The following GALNTL6 variants were observed in gnomAD, a reference collection of about 807,000 sequenced individuals.
GALNTL6 encodes the protein polypeptide N-acetylgalactosaminyltransferase-like 6.
Under a neutral mutation model 73.7 loss-of-function variants are expected in GALNTL6, and 46 were observed. The observed-to-expected ratio is 0.62, with a 90% confidence interval of 0.49 to 0.80. The LOEUF is 0.80. Among genes scored for constraint, GALNTL6 ranks in the 30% least tolerant of loss-of-function variants. The pLI is 0.00. For synonymous variants in GALNTL6, 259 were observed against 263.7 expected, an observed-to-expected ratio of 0.98 and a Z score of 0.17; for missense variants, 604 against 755.0, an observed-to-expected ratio of 0.80 and a Z score of 2.34.
At chr4:173,021,685 A>C (rs575968456) in intron 12 of GALNTL6, 60 bp downstream of exon 12, 2 of 1,572,958 alleles carry the variant, frequency 1.3e-6, no homozygotes, top group East Asian at 2.3e-5. Context: ...ATTCTTACTC[A>C]GTTTTCTTTG....
rs189139180 is a variant in GALNTL6 at position 172,683,858 on chromosome 4, C to G, written c.554-125503C>G. Among the ~76,000 whole-genome samples the G allele has an allele frequency of 4.1e-4, 62 of 152,258 alleles. 1 individual carries two copies. Among genetic ancestry groups the G allele is most frequent in the Admixed American group, 3.0e-3 (46 of 15,284 alleles). ...TATTTTAAAAACAAATAGGTGGAAG[C>G]TGGAAGCAGGGATTAGCTTTTTCGT... On this transcript the variant is annotated intron_variant, in intron 5 of 12. Coordinates refer to ENST00000506823, the MANE Select transcript of GALNTL6 (RefSeq NM_001034845.3).
intron 2 of GALNTL6, among the ~76,000 whole-genome samples, chr4:172,138,949 C>G (rs1733728321): frequency 6.6e-6 from 1 of 151,958 alleles, no homozygotes; most frequent in African/African-American, 2.4e-5. Context: ...ATTCTCAGAA[C>G]CAATATTTCC....
At chr4:173,027,925 T>C (rs1753299305) in intron 12 of GALNTL6, among the ~76,000 whole-genome samples, 1 of 152,210 alleles carries the variant, frequency 6.6e-6, no homozygotes, top group South Asian at 2.1e-4. Flanking sequence ...AGTGATTCCA[T>C]TTGGTCACTG....
In GALNTL6 at chr4:172,445,893, A is replaced by G. The variant is rs796294585; in HGVS notation, c.553+97204A>G. On this transcript the variant is annotated intron_variant, in intron 5 of 12. Transcript: ENST00000506823. The stretch of plus-strand genomic sequence containing the variant: ...GAAGATGGCTAAATGCATGCTTAGT[A>G]CTATTATTCTAATGCCTTCATTAAA... Among the ~76,000 whole-genome samples, 8 of 152,288 alleles carry G rather than the reference A, an allele frequency of 5.3e-5. No homozygotes were observed. In the South Asian group the frequency reaches 1.2e-3, roughly 24 times the overall value.
chr4:172,515,068 C>T (rs1734556087), intron 5 of GALNTL6, among the ~76,000 whole-genome samples: 1 of 152,180 alleles, frequency 6.6e-6, no homozygotes, highest in African/African-American at 2.4e-5. Context: ...TGTAAGTCTC[C>T]ATACACTGTT....
chr4:172,403,752 G>T (rs1744121404), intron 5 of GALNTL6, among the ~76,000 whole-genome samples: 1 of 151,904 alleles, frequency 6.6e-6, no homozygotes, highest in Non-Finnish European at 1.5e-5. Context: ...CAAAGCAATG[G>T]ATCTTTGACT....
intron 8 of GALNTL6, among the ~76,000 whole-genome samples, chr4:172,904,391 G>A (rs1002540533): frequency 2.6e-5 from 4 of 152,340 alleles, no homozygotes; most frequent in East Asian, 1.9e-4. Flanking sequence ...CAGGAAAAGC[G>A]TCTGTAGCAG....
chr4:172,672,396 C>T (rs1316639175), intron 5 of GALNTL6, among the ~76,000 whole-genome samples: 1 of 152,154 alleles, frequency 6.6e-6, no homozygotes, highest in Non-Finnish European at 1.5e-5. Context: ...GATAGATAAC[C>T]TGCTGGATTC....
intron 8 of GALNTL6, among the ~76,000 whole-genome samples, chr4:172,913,053 C>T (rs1241021807): frequency 1.3e-5 from 2 of 152,196 alleles, no homozygotes; most frequent in Non-Finnish European, 2.9e-5. Flanking sequence ...ATTTGCCGTT[C>T]TGCAATATTT....
chr4:172,932,919 A>C (rs556855169), intron 9 of GALNTL6, among the ~76,000 whole-genome samples: 77 of 152,272 alleles, frequency 5.1e-4, no homozygotes, highest in African/African-American at 1.7e-3. Context: ...CTGCTTTCCT[A>C]ACTAAATTAA....
At chr4:172,819,092 G>T (rs1021243043) in intron 7 of GALNTL6, among the ~76,000 whole-genome samples, 1 of 152,212 alleles carries the variant, frequency 6.6e-6, no homozygotes, top group African/African-American at 2.4e-5. Context: ...TGGGCCAAAG[G>T]TGAGATCCTT....
At chr4:172,370,443 G>A (rs1430548107) in intron 5 of GALNTL6, among the ~76,000 whole-genome samples, 1 of 151,756 alleles carries the variant, frequency 6.6e-6, no homozygotes, top group Non-Finnish European at 1.5e-5. Flanking sequence ...GGCTAACGTG[G>A]TGAAACCCCA....
chr4:171,954,095 A>G (rs1415710981), intron 2 of GALNTL6, among the ~76,000 whole-genome samples: 1 of 152,204 alleles, frequency 6.6e-6, no homozygotes, highest in Non-Finnish European at 1.5e-5. Context: ...TGATTGAAGC[A>G]CATACGCTAA....
intron 10 of GALNTL6, among the ~76,000 whole-genome samples, chr4:172,998,610 CTGTCCTT>C (rs1420857895): frequency 1.3e-5 from 2 of 152,082 alleles, no homozygotes; most frequent in East Asian, 3.9e-4. Flanking sequence ...ACCACAGAAA[CTGTCCTT>C]TGAAAGGTCT....
At chr4:171,959,757 G>A (rs1405093529) in intron 2 of GALNTL6, among the ~76,000 whole-genome samples, 5 of 152,154 alleles carry the variant, frequency 3.3e-5, no homozygotes, top group Admixed American at 1.3e-4. Context: ...CAAAATATCT[G>A]CCTGACAAAA....
intron 5 of GALNTL6, among the ~76,000 whole-genome samples, chr4:172,402,147 TA>T (rs1744065656): frequency 6.6e-6 from 1 of 152,070 alleles, no homozygotes; most frequent in Admixed American, 6.6e-5. Context: ...TTTCAGGCCT[TA>T]GGTCTCCAGG....
At chr4:172,573,045 G>A (rs927941559) in intron 5 of GALNTL6, among the ~76,000 whole-genome samples, 1 of 152,006 alleles carries the variant, frequency 6.6e-6, no homozygotes, top group African/African-American at 2.4e-5. Flanking sequence ...AGAACAGAGT[G>A]CAATTACTAT....
At chr4:171,948,305 G>A (rs1281848067) in intron 2 of GALNTL6, among the ~76,000 whole-genome samples, 4 of 152,150 alleles carry the variant, frequency 2.6e-5, no homozygotes, top group Non-Finnish European at 5.9e-5. Flanking sequence ...TTGATGTTGA[G>A]ATTTTATTAG....
intron 5 of GALNTL6, among the ~76,000 whole-genome samples, chr4:172,662,789 C>G (rs1269988077): frequency 6.6e-6 from 1 of 151,780 alleles, no homozygotes; most frequent in East Asian, 1.9e-4. Flanking sequence ...AAATAAGCAA[C>G]CAAAAAAATA....
Sources: allele counts gnomAD v4.1 joint callset (sites outside exome capture counted in the v4.1 genomes callset), GRCh38; gene constraint gnomAD v4.1.1; transcripts MANE v1.5; gene names NCBI Gene and HGNC (gene_info 2026-07-23, HGNC 2026-07-21).